The following FSTL5 variants were observed in gnomAD, a reference collection of about 807,000 sequenced individuals.
The protein encoded by FSTL5 is follistatin like 5.
FSTL5 carries 62 observed loss-of-function variants against 89.1 expected under a neutral mutation model. The ratio of observed to expected loss-of-function variants is 0.70; its 90% CI spans 0.57 to 0.86. FSTL5 has a LOEUF of 0.86. Ranked by LOEUF, FSTL5 falls within the 40% of genes least tolerant of loss-of-function variation. FSTL5 has a pLI of 0.00. For missense variants in FSTL5, 1,057 were observed against 1,001.6 expected, an observed-to-expected ratio of 1.06 and a Z score of -0.75; for synonymous variants, 383 against 346.2, an observed-to-expected ratio of 1.11 and a Z score of -1.18.
intron 6 of FSTL5, among the ~76,000 whole-genome samples, chr4:161,692,452 C>T (rs369492859): frequency 2.0e-5 from 3 of 151,670 alleles, no homozygotes; most frequent in Admixed American, 6.6e-5. Context: ...AATTATCTCC[C>T]CTCAAAATGC....
At chr4:161,493,516 A>C (rs2126473595) in intron 12 of FSTL5, among the ~76,000 whole-genome samples, 1 of 152,042 alleles carries the variant, frequency 6.6e-6, no homozygotes, top group South Asian at 2.1e-4. Context: ...TTTGTGTTAA[A>C]ATAAATCTTA....
At chr4:161,461,420 C>A (rs1578851093) in intron 13 of FSTL5, among the ~76,000 whole-genome samples, 1 of 131,778 alleles carries the variant, frequency 7.6e-6, no homozygotes, top group East Asian at 2.3e-4. Flanking sequence ...GAGATCACGC[C>A]ATTGCACTCC....
intron 8 of FSTL5, among the ~76,000 whole-genome samples, chr4:161,564,760 G>A (rs1732739916): frequency 6.6e-6 from 1 of 151,622 alleles, no homozygotes; most frequent in Non-Finnish European, 1.5e-5. Context: ...AGTAGCATTT[G>A]TAGGGGAGAT....
chr4:161,719,002 G>T lies in FSTL5; in HGVS notation c.727+40409C>A, dbSNP rs73862380. ...CTTCAAAATTCTTTGGAAACCACTA[G>T]AAACCCATTGGTAACAGTTGGGATA... On this transcript the variant is annotated intron_variant, in intron 6 of 15. Transcript: ENST00000306100. Among the ~76,000 whole-genome samples the T allele has an allele frequency of 5.7e-3, 862 of 152,198 alleles. 6 individuals are homozygous for T. The highest frequency in any genetic ancestry group is 0.018 in the African/African-American group (727 of 41,534).
intron 4 of FSTL5, among the ~76,000 whole-genome samples, chr4:161,839,341 C>T (rs190502217): frequency 6.6e-6 from 1 of 152,162 alleles, no homozygotes; most frequent in African/African-American, 2.4e-5. Flanking sequence ...TGAAAGAATA[C>T]ACTCTACAGA....
intron 1 of FSTL5, among the ~76,000 whole-genome samples, chr4:162,132,421 C>G (rs1732338508): frequency 6.6e-6 from 1 of 152,068 alleles, no homozygotes; most frequent in South Asian, 2.1e-4. Context: ...ACTCCTGAAG[C>G]CAGCGAGACC....
chr4:162,147,962 G>A (rs548547088), intron 1 of FSTL5, among the ~76,000 whole-genome samples: 3 of 152,130 alleles, frequency 2.0e-5, no homozygotes, highest in South Asian at 2.1e-4. Flanking sequence ...CTGAGATTGC[G>A]CCATTGCACT....
intron 4 of FSTL5, among the ~76,000 whole-genome samples, chr4:161,785,160 A>G (rs985459713): frequency 6.6e-6 from 1 of 152,158 alleles, no homozygotes; most frequent in Non-Finnish European, 1.5e-5. Context: ...ACTTTTCACC[A>G]TAGAATGGTA....
chr4:162,014,432 G>A (rs953699924), intron 3 of FSTL5, among the ~76,000 whole-genome samples: 4 of 152,136 alleles, frequency 2.6e-5, no homozygotes, highest in Admixed American at 1.3e-4. Flanking sequence ...GGCTAAAAGG[G>A]AAATGGTGAA....
intron 7 of FSTL5, among the ~76,000 whole-genome samples, chr4:161,605,446 A>G (rs1219808172): frequency 6.6e-6 from 1 of 152,182 alleles, no homozygotes; most frequent in African/African-American, 2.4e-5. Context: ...TGAAGAGTAT[A>G]TCTATTGTGG....
At chr4:161,854,275 A>G (rs1731650643) in intron 4 of FSTL5, among the ~76,000 whole-genome samples, 1 of 152,200 alleles carries the variant, frequency 6.6e-6, no homozygotes. Context: ...TTGCTCAATA[A>G]AGTATATTCT....
At chr4:162,145,683 A>G (rs999707943) in intron 1 of FSTL5, among the ~76,000 whole-genome samples, 1 of 152,258 alleles carries the variant, frequency 6.6e-6, no homozygotes, top group Non-Finnish European at 1.5e-5. Context: ...CTATTATTTT[A>G]CTGAACAAAC....
chr4:162,044,779 A>G (rs1738108766), intron 2 of FSTL5, among the ~76,000 whole-genome samples: 1 of 152,138 alleles, frequency 6.6e-6, no homozygotes, highest in South Asian at 2.1e-4. Flanking sequence ...TTGCACTCTT[A>G]TATTATAGAG....
At chr4:161,862,597 TG>T (rs1731953087) in intron 4 of FSTL5, among the ~76,000 whole-genome samples, 2 of 152,108 alleles carry the variant, frequency 1.3e-5, no homozygotes, top group South Asian at 4.1e-4. Context: ...CTGGGTGTGG[TG>T]GTGCGCACCT....
At chr4:162,153,969 C>A (rs887708408) in intron 1 of FSTL5, among the ~76,000 whole-genome samples, 3 of 151,112 alleles carry the variant, frequency 2.0e-5, no homozygotes, top group Non-Finnish European at 4.4e-5. Flanking sequence ...CCATGCCCAG[C>A]TAATTTTTTG....
intron 7 of FSTL5, among the ~76,000 whole-genome samples, chr4:161,602,022 A>G (rs1340087408): frequency 2.0e-5 from 3 of 152,124 alleles, no homozygotes; most frequent in Non-Finnish European, 2.9e-5. Flanking sequence ...AAAAAATTAG[A>G]AAGTAGATTT....
intron 3 of FSTL5, among the ~76,000 whole-genome samples, chr4:161,928,424 T>C (rs1057284633): frequency 2.6e-5 from 4 of 151,808 alleles, no homozygotes; most frequent in Non-Finnish European, 2.9e-5. Context: ...TTTGGGTAAA[T>C]ATTAAAATAT....
intron 6 of FSTL5, among the ~76,000 whole-genome samples, chr4:161,674,884 C>T (rs985829177): frequency 6.6e-6 from 1 of 152,088 alleles, no homozygotes; most frequent in Non-Finnish European, 1.5e-5. Flanking sequence ...CTGGGCTTTC[C>T]TGTGCAGTGT....
intron 2 of FSTL5, among the ~76,000 whole-genome samples, chr4:162,044,860 C>T (rs1005427413): frequency 6.6e-6 from 1 of 152,182 alleles, no homozygotes; most frequent in Non-Finnish European, 1.5e-5. Flanking sequence ...AGCTTTCTCA[C>T]CTCTCTCAAC....
Sources: gnomAD v4.1 joint callset for allele counts (sites outside exome capture counted in the v4.1 genomes callset) on GRCh38, gnomAD v4.1.1 for gene constraint, MANE v1.5 for transcripts, NCBI Gene and HGNC (gene_info 2026-07-23, HGNC 2026-07-21) for gene names.